CFAP70: variants seen among roughly 807,000 people sequenced by gnomAD.
The protein encoded by CFAP70 is cilia- and flagella-associated protein 70.
CFAP70 carries 81 observed loss-of-function variants against 137.6 expected under a neutral mutation model. That is an observed-to-expected ratio of 0.59 (90% CI 0.49 to 0.71). CFAP70 has a LOEUF of 0.71. Ranked by LOEUF, CFAP70 falls within the 30% of genes least tolerant of loss-of-function variation. CFAP70 has a pLI of 0.00. For missense variants in CFAP70, 976 were observed against 1,226.7 expected (o/e 0.80, Z 3.05); for synonymous variants, 382 against 423.6 (o/e 0.90, Z 1.20).
intron 25 of CFAP70, among the ~76,000 whole-genome samples, chr10:73,257,208 G>A (rs928029130): frequency 3.3e-5 from 5 of 152,162 alleles, no homozygotes; most frequent in African/African-American, 9.7e-5. Context: ...CCAGGGTTAT[G>A]AAGCTAGTAA....
At chr10:73,306,522 G>C (rs2049393226) in intron 12 of CFAP70, among the ~76,000 whole-genome samples, 2 of 152,018 alleles carry the variant, frequency 1.3e-5, no homozygotes, top group South Asian at 4.2e-4. Context: ...AAACCATGGA[G>C]GCCAGAAGTC....
At chr10:73,262,003 C>CATATGTATATATGTATATATTAT (rs1564744650) in intron 25 of CFAP70, among the ~76,000 whole-genome samples, 2 of 132,336 alleles carry the variant, frequency 1.5e-5, no homozygotes, top group African/African-American at 2.7e-5. Flanking sequence ...TATATGTATA[C>CATATGTATATATGTATATATTAT]ATATGTATAT....
At position 73,322,566 on chromosome 10, in the gene CFAP70, TAAAAAAAAAAA is replaced by T. The variant is rs143744938; in HGVS notation, c.912+386_912+396del. ...CACTCCAAAGTGAGACCCACATCTCTAAAAAAAAAAAAAAAAAAAAAGTACTCTCTTTTCTC... is the reference window on the plus strand; with the variant it reads ...CACTCCAAAGTGAGACCCACATCTCTAAAAAAAAAAGTACTCTCTTTTCTC... On this transcript the variant is annotated intron_variant, in intron 9 of 26. Coordinates refer to ENST00000310715, the Ensembl canonical transcript of CFAP70. 6.4e-3 allele frequency among the ~76,000 whole-genome samples: 676 copies of T among 105,650 alleles called. 13 individuals carry two copies. In the East Asian group the frequency reaches 0.077, roughly 12 times the overall value. 69.3% of individuals were successfully genotyped at this position (105,650 alleles called of 152,430 possible). A position where few individuals can be genotyped will look rare whatever the true frequency, so the allele number is the denominator to read the frequency against.
At chr10:73,314,890 C>T (rs1367252251) in intron 9 of CFAP70, among the ~76,000 whole-genome samples, 1 of 149,868 alleles carries the variant, frequency 6.7e-6, no homozygotes, top group Non-Finnish European at 1.5e-5. Flanking sequence ...CAGGTGTGAG[C>T]CACCACACCT....
intron 23 of CFAP70, 35 bp downstream of exon 24, chr10:73,274,398 G>C (rs370682787): frequency 6.4e-7 from 1 of 1,571,986 alleles, no homozygotes; most frequent in Non-Finnish European, 8.6e-7. Flanking sequence ...TTAGTTCCCA[G>C]ACCACGGGGT....
chr10:73,259,116 G>A (rs975297260), intron 25 of CFAP70, among the ~76,000 whole-genome samples: 1 of 151,786 alleles, frequency 6.6e-6, no homozygotes, highest in African/African-American at 2.4e-5. Flanking sequence ...TTTGTGGCTT[G>A]GGGCATCACG....
rs1263293770 is a variant in CFAP70, at chr10:73,341,378, A to G, written c.582+21T>C. Reference sequence around the variant, plus strand: ...TCAGTACACTAAGTTTATCACAAAAACCTGTATATCAGGCTCTCACCTCAG... The same window carrying G: ...TCAGTACACTAAGTTTATCACAAAAGCCTGTATATCAGGCTCTCACCTCAG... On this transcript the variant is annotated intron_variant, in intron 6 of 26. Transcript: ENST00000310715. 4 of 1,573,576 alleles carry G rather than the reference A, an allele frequency of 2.5e-6. No individual in the cohort carries two copies. The African/African-American group carries it at 5.5e-5, about 22-fold the overall frequency.
At chr10:73,349,733 A>G (rs931068148) in intron 3 of CFAP70, among the ~76,000 whole-genome samples, 10 of 152,210 alleles carry the variant, frequency 6.6e-5, no homozygotes, top group Non-Finnish European at 1.2e-4. Context: ...TCAAATACAC[A>G]AAGTAGAATA....
intron 25 of CFAP70, among the ~76,000 whole-genome samples, chr10:73,266,612 G>C (rs1169532766): frequency 6.6e-6 from 1 of 152,060 alleles, no homozygotes; most frequent in Non-Finnish European, 1.5e-5. Context: ...GGGACATGTA[G>C]TTTCAGATTT....
exon 19 of CFAP70, chr10:73,291,303 C>G: frequency 6.2e-7 from 1 of 1,614,164 alleles, no homozygotes; most frequent in Non-Finnish European, 8.5e-7. Context: ...TTCTCTCTTC[C>G]CTCTTTCCTC....
chr10:73,353,508 G>T, intron 3 of CFAP70, 48 bp downstream of exon 3: 1 of 1,531,934 alleles, frequency 6.5e-7, no homozygotes, highest in Non-Finnish European at 9.0e-7. Context: ...CAACATGATA[G>T]GGAAGAAGGC....
rs111636792 is a variant in CFAP70, at chr10:73,353,780, A to G, written c.64-38T>C. On this transcript the variant is annotated intron_variant, in intron 2 of 26. Coordinates refer to ENST00000310715, the Ensembl canonical transcript of CFAP70. ...ACACACCACTTTACAATTATATTCAAATAGAGAATTTTCCCACACATCTGG... is the reference window on the plus strand; with the variant it reads ...ACACACCACTTTACAATTATATTCAGATAGAGAATTTTCCCACACATCTGG... 1.0e-5 allele frequency: 16 copies of G among 1,588,710 alleles called. No individual in the cohort carries two copies. The African/African-American group carries it at 1.2e-4, about 12-fold the overall frequency.
At chr10:73,328,026 G>A (rs1252575362) in intron 8 of CFAP70, among the ~76,000 whole-genome samples, 17 of 152,056 alleles carry the variant, frequency 1.1e-4, no homozygotes, top group Admixed American at 6.5e-5. Flanking sequence ...AGCTCGCATC[G>A]CCAAGTCAAT....
In CFAP70 at chr10:73,275,357, T is replaced by A. The variant is rs1027175292; in HGVS notation, c.2673+89A>T. The A allele has an allele frequency of 7.0e-7, 1 of 1,419,710 alleles. No individual in the cohort carries two copies. Among genetic ancestry groups the A allele is most frequent in the African/African-American group, 1.5e-5 (1 of 68,840 alleles). 87.9% of individuals were successfully genotyped at this position (1,419,710 alleles called of 1,614,324 possible). A position where few individuals can be genotyped will look rare whatever the true frequency, so the allele number is the denominator to read the frequency against. ...CTGACAGCTGATGACCACCCTTCTG[T>A]TCACCAGAAATCTACGTGTGATATG... On this transcript the variant is annotated intron_variant, in intron 22 of 26. Transcript: ENST00000310715. This position sits in a 1 kb window ranked among gnomAD's most constrained non-coding sequence, Gnocchi z 4.0.
chr10:73,292,098 C>G lies in CFAP70; in HGVS notation c.1771-84G>C, dbSNP rs548527552. 8.0e-6 allele frequency: 12 copies of G among 1,499,092 alleles called. No individual in the cohort carries two copies. In the African/African-American group the frequency reaches 1.4e-4, roughly 17 times the overall value. 92.9% of individuals were successfully genotyped at this position (1,499,092 alleles called of 1,614,324 possible). A position where few individuals can be genotyped will look rare whatever the true frequency, so the allele number is the denominator to read the frequency against. On this transcript the variant is annotated intron_variant, in intron 16 of 26. Coordinates refer to ENST00000310715, the Ensembl canonical transcript of CFAP70. ...CATCACATGGTAAACACTGTAAATA[C>G]TGTAAGTTCTATGAAAGCACAGATT...
At chr10:73,292,535 CA>C (rs758586703) in intron 16 of CFAP70, among the ~76,000 whole-genome samples, 16 of 152,114 alleles carry the variant, frequency 1.1e-4, no homozygotes, top group Admixed American at 2.0e-4. Flanking sequence ...GCTACAGATA[CA>C]AGGCAATCCC....
chr10:73,347,193 C>T (rs1252644403), intron 4 of CFAP70: 1 of 152,068 alleles, frequency 6.6e-6, no homozygotes, highest in African/African-American at 2.4e-5. Flanking sequence ...GGGGAGGCCT[C>T]CATTATAAAG....
At chr10:73,356,833 C>T (rs116213750) in intron 1 of CFAP70, among the ~76,000 whole-genome samples, 32 of 152,310 alleles carry the variant, frequency 2.1e-4, no homozygotes, top group African/African-American at 7.7e-4. Flanking sequence ...TAACAAAAGC[C>T]TCCTAACTGG....
At position 73,331,010 on chromosome 10, in the gene CFAP70, T is replaced by C. The variant is rs114389500; in HGVS notation, c.777+167A>G. Reference sequence around the variant, plus strand: ...AGAGGATTTTCCTGGGACATGAGACTTTCAGTGCTAAAACAAGTGACATTC... The same window carrying C: ...AGAGGATTTTCCTGGGACATGAGACCTTCAGTGCTAAAACAAGTGACATTC... On this transcript the variant is annotated intron_variant, in intron 8 of 26. Transcript: ENST00000310715. 7.8e-3 allele frequency among the ~76,000 whole-genome samples: 1,193 copies of C among 152,306 alleles called. 14 individuals are homozygous for C. The highest frequency in any genetic ancestry group is 0.027 in the African/African-American group (1,126 of 41,570).
Sources: allele counts gnomAD v4.1 joint callset (sites outside exome capture counted in the v4.1 genomes callset), GRCh38; gene constraint gnomAD v4.1.1; non-coding constraint Gnocchi (gnomAD v3.1); transcripts MANE v1.5; gene names NCBI Gene and HGNC (gene_info 2026-07-23, HGNC 2026-07-21).